AIDA: variants seen among roughly 807,000 people sequenced by gnomAD.
The protein encoded by AIDA is axin interactor, dorsalization associated, also known as axin interactor, dorsalization-associated protein.
Under a neutral mutation model 42.7 loss-of-function variants are expected in AIDA, and 18 were observed. That is an observed-to-expected ratio of 0.42 (90% CI 0.29 to 0.63). The LOEUF (loss-of-function observed/expected upper bound fraction) is 0.63, where lower values mean the gene tolerates loss of function less well. Among genes scored for constraint, AIDA ranks in the 20% least tolerant of loss-of-function variants. The pLI is 0.19. For missense variants in AIDA, 250 were observed against 354.1 expected, an observed-to-expected ratio of 0.71 and a Z score of 2.36; for synonymous variants, 104 against 122.9, an observed-to-expected ratio of 0.85 and a Z score of 1.02.
rs750905527 is a variant in AIDA at position 222,694,270 on chromosome 1, G to A, written c.181-7C>T. On this transcript the variant is annotated splice_region_variant and splice_polypyrimidine_tract_variant and intron_variant, in intron 2 of 9. Transcript: ENST00000340020. ...CAATTTTGCCTATGGTTTTCTGCAG[G>A]GGAATAAAAAAAGCTATAAATACCA... 3 of 1,607,626 alleles carry A rather than the reference G, an allele frequency of 1.9e-6. No homozygotes were observed. The highest frequency in any genetic ancestry group is 4.5e-5 in the East Asian group (2 of 44,574).
chr1:222,711,263 G>C (rs541213480), intron 1 of AIDA: 8 of 152,086 alleles, frequency 5.3e-5, no homozygotes, highest in Non-Finnish European at 8.8e-5. Flanking sequence ...CCTAAGCAAG[G>C]TTTTATGTGT....
chr1:222,695,079 A>G (rs1655481919), intron 2 of AIDA, among the ~76,000 whole-genome samples: 1 of 152,248 alleles, frequency 6.6e-6, no homozygotes, highest in Non-Finnish European at 1.5e-5. Flanking sequence ...GGGGGCTGTC[A>G]TTCTGAGGTG....
chr1:222,681,602 G>T (rs1039834426), intron 6 of AIDA, among the ~76,000 whole-genome samples: 1 of 152,230 alleles, frequency 6.6e-6, no homozygotes, highest in African/African-American at 2.4e-5. Context: ...GGCAGAGGTT[G>T]CAGTGAGCTG....
At chr1:222,681,725 G>C (rs569969883) in intron 6 of AIDA, among the ~76,000 whole-genome samples, 1 of 152,320 alleles carries the variant, frequency 6.6e-6, no homozygotes, top group African/African-American at 2.4e-5. Flanking sequence ...CAACAGGGCA[G>C]GCTCTCAGAA....
intron 4 of AIDA, among the ~76,000 whole-genome samples, chr1:222,688,442 T>A (rs973440353): frequency 6.6e-5 from 10 of 152,136 alleles, no homozygotes; most frequent in African/African-American, 2.2e-4. Context: ...ACCACATACA[T>A]GACAGTGGTC....
intron 6 of AIDA, among the ~76,000 whole-genome samples, chr1:222,684,825 C>T (rs2936049): frequency 0.19 from 28,968 of 152,066 alleles, 3,052 homozygotes; most frequent in Admixed American, 0.32. Context: ...CCATAAAGAC[C>T]TTAATCTGCC....
intron 6 of AIDA, among the ~76,000 whole-genome samples, chr1:222,684,764 A>C (rs137932892): frequency 7.4e-4 from 113 of 152,326 alleles, no homozygotes; most frequent in African/African-American, 2.6e-3. Context: ...TTACATAGCA[A>C]ATGGATTTAA....
intron 4 of AIDA, among the ~76,000 whole-genome samples, chr1:222,693,111 T>C (rs1451555750): frequency 6.6e-6 from 1 of 152,200 alleles, no homozygotes; most frequent in Non-Finnish European, 1.5e-5. Context: ...TAAAATGCTA[T>C]GATTTTATGA....
chr1:222,707,009 G>C (rs931900862), intron 1 of AIDA, among the ~76,000 whole-genome samples: 3 of 152,120 alleles, frequency 2.0e-5, no homozygotes, highest in Non-Finnish European at 4.4e-5. Context: ...TGAACACTAG[G>C]TGTCTTGTGG....
chr1:222,689,520 T>TATATATATATATATACAC (rs765351898), intron 4 of AIDA, among the ~76,000 whole-genome samples: 7 of 58,108 alleles, frequency 1.2e-4, no homozygotes, highest in South Asian at 6.0e-4. Flanking sequence ...TATATATATA[T>TATATATATATATATACAC]ACACACATAC....
chr1:222,670,137 C>G lies in AIDA; in HGVS notation c.820G>C (p.Glu274Gln). The change falls in exon 9 of 10, where the codon GAA (glutamate) becomes CAA (glutamine). Residue 274 changes from glutamate (E) to glutamine (Q), a missense_variant. Coordinates refer to ENST00000340020, the MANE Select transcript of AIDA (RefSeq NM_022831.4). ...DEIKPGPIVIELYKKPTDFKR... is the reference protein window; with the variant it reads ...DEIKPGPIVIQLYKKPTDFKR... ...TTCTATATGCACATCACTTACAGTTCTATTACAATTGGCCCAGGTTTAATT... is the reference window on the plus strand; with the variant it reads ...TTCTATATGCACATCACTTACAGTTGTATTACAATTGGCCCAGGTTTAATT... 1 of 1,613,618 alleles carries G rather than the reference C, an allele frequency of 6.2e-7. No individual in the cohort carries two copies. Among genetic ancestry groups the G allele is most frequent in the Non-Finnish European group, 8.5e-7 (1 of 1,179,624 alleles).
Position 222,676,194 on chromosome 1 carries a change from G to T in AIDA, c.485C>A (p.Ser162Ter). 1 of 1,610,738 alleles carries T rather than the reference G, an allele frequency of 6.2e-7. No homozygotes were observed. Among genetic ancestry groups the T allele is most frequent in the Non-Finnish European group, 8.5e-7 (1 of 1,178,786 alleles). The change falls in exon 7 of 10, where the codon TCG becomes TAG. Residue 162 changes from serine (S) to a stop codon, truncating the protein, a stop_gained. Coordinates refer to ENST00000340020, the MANE Select transcript of AIDA (RefSeq NM_022831.4). LOFTEE classifies it high-confidence loss of function. ...AGTGAGTAATGTCATTCCTGGTTCC[G>T]ATGGCAACCTTGGTAATAAAGTACC... ...VPGTLLPRLP[S>*]EPGMTLLTIR...
At chr1:222,689,310 C>A (rs1271751826) in intron 4 of AIDA, among the ~76,000 whole-genome samples, 1 of 150,452 alleles carries the variant, frequency 6.6e-6, no homozygotes, top group Non-Finnish European at 1.5e-5. Context: ...CCTGGTGGCA[C>A]ACGCCTGTAA....
At chr1:222,707,774 CA>C (rs1448937230) in intron 1 of AIDA, among the ~76,000 whole-genome samples, 3 of 152,210 alleles carry the variant, frequency 2.0e-5, no homozygotes, top group Non-Finnish European at 2.9e-5. Flanking sequence ...CATTCTGTGA[CA>C]TAGAAATTCG....
intron 6 of AIDA, among the ~76,000 whole-genome samples, chr1:222,681,835 G>C (rs1219711015): frequency 6.6e-6 from 1 of 152,104 alleles, no homozygotes; most frequent in African/African-American, 2.4e-5. Context: ...TGACCACCAA[G>C]GTGTCCAGCA....
At chr1:222,695,829 T>C (rs1361535758) in intron 2 of AIDA, among the ~76,000 whole-genome samples, 4 of 152,196 alleles carry the variant, frequency 2.6e-5, no homozygotes, top group African/African-American at 7.2e-5. Context: ...AGCATGTTTT[T>C]CTAAATGTAT....
intron 4 of AIDA, among the ~76,000 whole-genome samples, chr1:222,688,122 A>T (rs1655248342): frequency 6.6e-6 from 1 of 152,170 alleles, no homozygotes; most frequent in East Asian, 1.9e-4. Flanking sequence ...CAGGAGGCTG[A>T]GGTAGGAGAA....
At chr1:222,676,537 A>G (rs1164124329) in intron 6 of AIDA, among the ~76,000 whole-genome samples, 1 of 152,252 alleles carries the variant, frequency 6.6e-6, no homozygotes, top group East Asian at 1.9e-4. Context: ...CACTTTGTAT[A>G]TGCTCATTTA....
At position 222,670,113 on chromosome 1, in the gene AIDA, T is replaced by A. The variant is rs754259837; in HGVS notation, c.824+20A>T. 6.8e-6 allele frequency: 11 copies of A among 1,611,576 alleles called. No homozygotes were observed. In the South Asian group the frequency reaches 1.2e-4, roughly 18 times the overall value. On this transcript the variant is annotated intron_variant, in intron 9 of 9. Transcript: ENST00000340020. ...TAGTCACCATCAAATTAGTACTAATTCTATATGCACATCACTTACAGTTCT... is the reference window on the plus strand; with the variant it reads ...TAGTCACCATCAAATTAGTACTAATACTATATGCACATCACTTACAGTTCT...
Sources: gnomAD v4.1 joint callset for allele counts (sites outside exome capture counted in the v4.1 genomes callset) on GRCh38, gnomAD v4.1.1 for gene constraint, MANE v1.5 for transcripts, NCBI Gene and HGNC (gene_info 2026-07-23, HGNC 2026-07-21) for gene names.